The following LRP1B variants were observed in gnomAD, a reference collection of about 807,000 sequenced individuals.
LRP1B encodes the protein low-density lipoprotein receptor-related protein 1B.
Under a neutral mutation model 556.6 loss-of-function variants are expected in LRP1B, and 217 were observed. The observed-to-expected ratio is 0.39, with a 90% CI of 0.35 to 0.44. The LOEUF (loss-of-function observed/expected upper bound fraction) is 0.44. Among genes scored for constraint, LRP1B ranks in the 20% least tolerant of loss-of-function variants. The pLI is 1.00. For synonymous variants in LRP1B, 2,047 were observed against 1,865.8 expected (o/e 1.10, Z -2.50); for missense variants, 5,053 against 5,620.8 (o/e 0.90, Z 3.23).
At chr2:141,183,478 G>A (rs1207439780) in intron 7 of LRP1B, among the ~76,000 whole-genome samples, 4 of 151,964 alleles carry the variant, frequency 2.6e-5, no homozygotes, top group African/African-American at 9.7e-5. Context: ...CTTCAATACT[G>A]TCAATCATTC....
At chr2:140,515,889 T>C (rs1026194519) in intron 50 of LRP1B, among the ~76,000 whole-genome samples, 1 of 152,042 alleles carries the variant, frequency 6.6e-6, no homozygotes, top group Non-Finnish European at 1.5e-5. Context: ...GTTTTTAATC[T>C]TTTTTCTACT....
chr2:141,910,140 CA>C (rs3039375), intron 1 of LRP1B, among the ~76,000 whole-genome samples: 1,759 of 131,690 alleles, frequency 0.013, 22 homozygotes, highest in African/African-American at 0.043. Context: ...GACTCCATCT[CA>C]AAAAAAAAAA....
chr2:140,397,389 C>T (rs534659849), intron 66 of LRP1B, among the ~76,000 whole-genome samples: 2 of 152,204 alleles, frequency 1.3e-5, no homozygotes, highest in East Asian at 3.9e-4. Flanking sequence ...TGTTGTTCCC[C>T]TCCCTGTGTC....
chr2:142,031,329 TA>T (rs1703687829), intron 1 of LRP1B, among the ~76,000 whole-genome samples: 4 of 87,932 alleles, frequency 4.5e-5, no homozygotes, highest in African/African-American at 7.8e-5. Context: ...TGATTATACT[TA>T]TTTTTTTTTT....
At chr2:140,414,245 A>G (rs1357689367) in intron 66 of LRP1B, among the ~76,000 whole-genome samples, 3 of 152,134 alleles carry the variant, frequency 2.0e-5, no homozygotes, top group East Asian at 1.9e-4. Context: ...GTAGAAGCAC[A>G]TATTATTTTT....
rs145083660 is a variant in LRP1B at position 140,457,966 on chromosome 2, A to ATGTG, written c.9626-319_9626-316dup. Among the ~76,000 whole-genome samples, 190 of 151,572 alleles carry ATGTG rather than the reference A, an allele frequency of 1.3e-3. 4 individuals are homozygous for ATGTG. Among genetic ancestry groups the ATGTG allele is most frequent in the African/African-American group, 4.0e-3 (165 of 41,360 alleles). Reference sequence around the variant, plus strand: ...TTTAAAATTCATAATTGATATATTTATGTGTGTGTGTGTGTATGTGTGTAT... The same window carrying ATGTG: ...TTTAAAATTCATAATTGATATATTTATGTGTGTGTGTGTGTGTGTATGTGTGTAT... On this transcript the variant is annotated intron_variant, in intron 60 of 90. Coordinates refer to ENST00000389484, the MANE Select transcript of LRP1B (RefSeq NM_018557.3).
intron 27 of LRP1B, among the ~76,000 whole-genome samples, chr2:140,857,668 A>G (rs1692659457): frequency 6.6e-6 from 1 of 152,166 alleles, no homozygotes; most frequent in African/African-American, 2.4e-5. Flanking sequence ...TTTATACTGT[A>G]CTGTATAAAG....
chr2:141,130,341 T>C (rs1291223664), intron 7 of LRP1B, among the ~76,000 whole-genome samples: 2 of 152,062 alleles, frequency 1.3e-5, no homozygotes, highest in African/African-American at 4.8e-5. Flanking sequence ...CTTACCCTCA[T>C]TCAAAACAGG....
At chr2:141,013,822 T>G in intron 13 of LRP1B, 77 bp from the exon 14 acceptor site, 1 of 807,654 alleles carries the variant, frequency 1.2e-6, no homozygotes, top group Non-Finnish European at 1.9e-6. Flanking sequence ...GAAAGTGATA[T>G]TCAATAAGTA....
At chr2:141,890,369 A>ATGTATTGTG (rs1283337437) in intron 1 of LRP1B, among the ~76,000 whole-genome samples, 7 of 91,064 alleles carry the variant, frequency 7.7e-5, no homozygotes, top group African/African-American at 3.9e-4. Context: ...GCATATATAT[A>ATGTATTGTG]TATAGTGTGT....
At chr2:140,688,924 G>A (rs1271591924) in intron 41 of LRP1B, among the ~76,000 whole-genome samples, 1 of 152,142 alleles carries the variant, frequency 6.6e-6, no homozygotes, top group African/African-American at 2.4e-5. Context: ...TAACACAGAT[G>A]AGAAGAGCTA....
intron 3 of LRP1B, among the ~76,000 whole-genome samples, chr2:141,405,055 T>G (rs1226211678): frequency 6.6e-6 from 1 of 151,886 alleles, no homozygotes; most frequent in Non-Finnish European, 1.5e-5. Flanking sequence ...ATCGCACTAC[T>G]GCACTCCAGC....
intron 17 of LRP1B, among the ~76,000 whole-genome samples, chr2:140,982,994 G>T (rs1191704787): frequency 6.6e-6 from 1 of 151,922 alleles, no homozygotes; most frequent in East Asian, 1.9e-4. Context: ...TCCTTTCTGT[G>T]TTAGCCGGAG....
chr2:141,852,069 C>A (rs1697882294), intron 1 of LRP1B, among the ~76,000 whole-genome samples: 1 of 151,686 alleles, frequency 6.6e-6, no homozygotes, highest in Non-Finnish European at 1.5e-5. Flanking sequence ...TATCCCCCTA[C>A]TATAAGAATC....
At chr2:141,732,055 T>C (rs1319528595) in intron 2 of LRP1B, among the ~76,000 whole-genome samples, 1 of 152,180 alleles carries the variant, frequency 6.6e-6, no homozygotes. Context: ...ACCCATCCAA[T>C]ATGGTATTTT....
chr2:140,262,860 C>A (rs1208376204), intron 86 of LRP1B, among the ~76,000 whole-genome samples: 3 of 152,202 alleles, frequency 2.0e-5, no homozygotes, highest in African/African-American at 7.2e-5. Context: ...GGAGTGGTTG[C>A]TGTGCTGTGG....
chr2:141,267,279 A>G (rs1298561186), intron 3 of LRP1B, among the ~76,000 whole-genome samples: 1 of 152,228 alleles, frequency 6.6e-6, no homozygotes, highest in East Asian at 1.9e-4. Flanking sequence ...GCTATCTCTT[A>G]CCACAGATAT....
At chr2:142,117,203 A>G (rs938477695) in intron 1 of LRP1B, among the ~76,000 whole-genome samples, 7 of 152,126 alleles carry the variant, frequency 4.6e-5, no homozygotes, top group Non-Finnish European at 1.0e-4. Flanking sequence ...CAGAAACATG[A>G]TCCCATGTTA....
At chr2:141,980,950 G>GA (rs970643512) in intron 1 of LRP1B, among the ~76,000 whole-genome samples, 46 of 147,354 alleles carry the variant, frequency 3.1e-4, no homozygotes, top group East Asian at 1.2e-3. Flanking sequence ...CCTTCTCTCT[G>GA]AAAAAAAAAA....
Sources: allele counts gnomAD v4.1 joint callset (sites outside exome capture counted in the v4.1 genomes callset), GRCh38; gene constraint gnomAD v4.1.1; transcripts MANE v1.5; gene names NCBI Gene and HGNC (gene_info 2026-07-23, HGNC 2026-07-21).